The following SYT1 variants were observed in gnomAD, a reference collection of about 807,000 sequenced individuals.
SYT1 encodes the protein synaptotagmin 1, also known as synaptotagmin-1.
SYT1 carries 8 observed loss-of-function variants against 44.8 expected under a neutral mutation model. The ratio of observed to expected loss-of-function variants is 0.18; its 90% CI spans 0.10 to 0.32. The LOEUF is 0.32. Ranked by LOEUF, SYT1 falls within the 10% of genes least tolerant of loss-of-function variation. The pLI is 1.00. For synonymous variants in SYT1, 154 were observed against 188.8 expected, an observed-to-expected ratio of 0.82 and a Z score of 1.51; for missense variants, 286 against 509.3, an observed-to-expected ratio of 0.56 and a Z score of 4.22.
intron 3 of SYT1, among the ~76,000 whole-genome samples, chr12:79,191,977 C>T (rs1728241771): frequency 6.6e-6 from 1 of 152,034 alleles, no homozygotes; most frequent in African/African-American, 2.4e-5. Flanking sequence ...TAGGAGCTGA[C>T]CTGAGGGGAA....
At chr12:79,324,880 T>C (rs1157274550) in intron 8 of SYT1, among the ~76,000 whole-genome samples, 1 of 152,244 alleles carries the variant, frequency 6.6e-6, no homozygotes, top group Non-Finnish European at 1.5e-5. Context: ...AAATATCTTA[T>C]TAAAAGGTTT....
At chr12:79,089,095 A>C (rs111839009) in intron 3 of SYT1, among the ~76,000 whole-genome samples, 5 of 152,170 alleles carry the variant, frequency 3.3e-5, no homozygotes, top group African/African-American at 1.2e-4. Context: ...TAAAAGAGAA[A>C]AGAATGTGAG....
intron 3 of SYT1, among the ~76,000 whole-genome samples, chr12:79,055,398 G>C (rs1874856198): frequency 6.6e-6 from 1 of 152,002 alleles, no homozygotes; most frequent in South Asian, 2.1e-4. Context: ...AGCATTTACA[G>C]TTTTAAAGAA....
At chr12:79,368,256 C>T (rs558897769) in intron 9 of SYT1, among the ~76,000 whole-genome samples, 12 of 152,202 alleles carry the variant, frequency 7.9e-5, no homozygotes, top group African/African-American at 1.2e-4. Flanking sequence ...CATAGTATTC[C>T]ATGGTGTATA....
intron 2 of SYT1, among the ~76,000 whole-genome samples, chr12:79,044,204 T>G (rs1592694302): frequency 6.6e-6 from 1 of 152,258 alleles, no homozygotes; most frequent in Admixed American, 6.5e-5. Flanking sequence ...TTCTCCTGGA[T>G]AATATCCTGC....
At chr12:78,866,926 T>C (rs1873576416) in intron 1 of SYT1, among the ~76,000 whole-genome samples, 1 of 152,162 alleles carries the variant, frequency 6.6e-6, no homozygotes, top group African/African-American at 2.4e-5. Flanking sequence ...AGAGAAGAGC[T>C]GAATTCATTT....
intron 3 of SYT1, among the ~76,000 whole-genome samples, chr12:79,105,045 A>G (rs952210622): frequency 6.6e-6 from 1 of 152,214 alleles, no homozygotes; most frequent in Non-Finnish European, 1.5e-5. Flanking sequence ...TGCAGGATCA[A>G]GGAGATATTC....
intron 9 of SYT1, among the ~76,000 whole-genome samples, chr12:79,442,709 T>G (rs564627930): frequency 1.3e-5 from 2 of 152,262 alleles, no homozygotes; most frequent in South Asian, 4.1e-4. Flanking sequence ...TATGTTCTAC[T>G]GGGGATAGGG....
At chr12:78,928,774 C>CA (rs1416500796) in intron 1 of SYT1, among the ~76,000 whole-genome samples, 1 of 152,096 alleles carries the variant, frequency 6.6e-6, no homozygotes, top group African/African-American at 2.4e-5. Context: ...ATCAGCTACT[C>CA]AGAATGATGT....
intron 2 of SYT1, among the ~76,000 whole-genome samples, chr12:79,015,475 A>G (rs891593650): frequency 1.2e-4 from 18 of 152,038 alleles, no homozygotes; most frequent in African/African-American, 4.3e-4. Context: ...GTTTTATCTG[A>G]TTCATATTGT....
At chr12:79,170,033 C>CT (rs1478935847) in intron 3 of SYT1, among the ~76,000 whole-genome samples, 1 of 152,040 alleles carries the variant, frequency 6.6e-6, no homozygotes, top group Non-Finnish European at 1.5e-5. Flanking sequence ...TGATCTCATT[C>CT]TTTTTTATGG....
rs1173414017 is a variant in SYT1 at position 79,249,096 on chromosome 12, T to TC, written c.166+31411_166+31412insC. ...CTTCTCTTTACCTCTTTCTTTTTTTTTTTTTTTTTTTTTTTTTTTGAGACG... is the reference window on the plus strand; with the variant it reads ...CTTCTCTTTACCTCTTTCTTTTTTTTCTTTTTTTTTTTTTTTTTTTGAGACG... On this transcript the variant is annotated intron_variant, in intron 4 of 10. Coordinates refer to ENST00000261205, the MANE Select transcript of SYT1 (RefSeq NM_005639.3). Among the ~76,000 whole-genome samples the TC allele has an allele frequency of 1.8e-4, 19 of 105,274 alleles. 1 individual carries two copies. The highest frequency in any genetic ancestry group is 4.8e-4 in the Admixed American group (5 of 10,400). The allele number at this position is 105,274 out of a possible 152,430, so 69.1% of individuals were successfully genotyped here. A position where few individuals can be genotyped will look rare whatever the true frequency, so the allele number is the denominator to read the frequency against.
At chr12:78,912,418 T>C (rs903895718) in intron 1 of SYT1, among the ~76,000 whole-genome samples, 1 of 151,980 alleles carries the variant, frequency 6.6e-6, no homozygotes, top group Non-Finnish European at 1.5e-5. Flanking sequence ...TGATAGATAC[T>C]TTTGAATGCA....
chr12:79,050,123 A>G (rs1874364617), intron 3 of SYT1, among the ~76,000 whole-genome samples: 1 of 151,962 alleles, frequency 6.6e-6, no homozygotes, highest in Admixed American at 6.6e-5. Flanking sequence ...AATAACATAA[A>G]TAGTTGATTA....
intron 3 of SYT1, among the ~76,000 whole-genome samples, chr12:79,066,482 A>AT (rs1317687282): frequency 4.1e-5 from 6 of 147,188 alleles, no homozygotes; most frequent in African/African-American, 9.9e-5. Context: ...TGGTTTGAAA[A>AT]AAAAAATTAA....
chr12:78,938,058 T>C (rs1490100948), intron 1 of SYT1, among the ~76,000 whole-genome samples: 1 of 152,188 alleles, frequency 6.6e-6, no homozygotes, highest in Non-Finnish European at 1.5e-5. Flanking sequence ...TGGGAGTCTT[T>C]GTACTATATT....
chr12:78,990,896 A>G (rs1418683684), intron 2 of SYT1, among the ~76,000 whole-genome samples: 1 of 152,180 alleles, frequency 6.6e-6, no homozygotes, highest in Non-Finnish European at 1.5e-5. Context: ...AGAAATACGA[A>G]AGGCAAGGGA....
At chr12:79,327,663 G>A (rs1173760499) in intron 8 of SYT1, among the ~76,000 whole-genome samples, 1 of 152,158 alleles carries the variant, frequency 6.6e-6, no homozygotes, top group African/African-American at 2.4e-5. Context: ...TTCATGCTGG[G>A]CACTGGTGAT....
intron 1 of SYT1, among the ~76,000 whole-genome samples, chr12:78,928,501 C>T (rs1374098723): frequency 6.6e-6 from 1 of 152,068 alleles, no homozygotes; most frequent in Admixed American, 6.6e-5. Context: ...GGAGAACTTT[C>T]ACTTTTTCCC....
Sources: gnomAD v4.1 joint callset for allele counts (sites outside exome capture counted in the v4.1 genomes callset) on GRCh38, gnomAD v4.1.1 for gene constraint, MANE v1.5 for transcripts, NCBI Gene and HGNC (gene_info 2026-07-23, HGNC 2026-07-21) for gene names.